Variants in ADAM12 observed in about 807,000 individuals in gnomAD.
ADAM12 encodes disintegrin and metalloproteinase domain-containing protein 12.
A neutral mutation model predicts 106.4 loss-of-function variants in ADAM12; 70 were observed. The ratio of observed to expected loss-of-function variants is 0.66; its 90% confidence interval spans 0.54 to 0.80. The LOEUF (loss-of-function observed/expected upper bound fraction) is 0.80, where lower values mean the gene tolerates loss of function less well. Among genes scored for constraint, ADAM12 ranks in the 30% least tolerant of loss-of-function variants. The pLI, the probability that ADAM12 is intolerant of heterozygous loss-of-function variation, is 0.00. For missense variants in ADAM12, 1,010 were observed against 1,171.9 expected, an observed-to-expected ratio of 0.86 and a Z score of 2.02; for synonymous variants, 420 against 433.5, an observed-to-expected ratio of 0.97 and a Z score of 0.39.
chr10:126,106,970 G>A (rs1458798891), intron 8 of ADAM12, among the ~76,000 whole-genome samples: 1 of 152,168 alleles, frequency 6.6e-6, no homozygotes, highest in Non-Finnish European at 1.5e-5. Flanking sequence ...AACAGCCGGG[G>A]CCTTGAGCAC....
At chr10:126,164,164 TTGA>T (rs1382388242) in intron 3 of ADAM12, among the ~76,000 whole-genome samples, 1 of 152,246 alleles carries the variant, frequency 6.6e-6, no homozygotes, top group East Asian at 1.9e-4. Flanking sequence ...AAAAAACTCA[TTGA>T]TGACATGTCA....
intron 3 of ADAM12, among the ~76,000 whole-genome samples, chr10:126,203,736 G>C (rs530344301): frequency 6.6e-6 from 1 of 152,284 alleles, no homozygotes; most frequent in Non-Finnish European, 1.5e-5. Context: ...TTCAGAAACT[G>C]CTTAGCAGAA....
intron 3 of ADAM12, among the ~76,000 whole-genome samples, chr10:126,253,612 G>C (rs1237730049): frequency 1.3e-5 from 2 of 152,126 alleles, no homozygotes; most frequent in Non-Finnish European, 2.9e-5. Context: ...GGCTAAGAGG[G>C]GGAACACCCA....
intron 3 of ADAM12, among the ~76,000 whole-genome samples, chr10:126,206,597 G>A (rs1210953551): frequency 2.6e-5 from 4 of 152,036 alleles, no homozygotes; most frequent in African/African-American, 7.2e-5. Flanking sequence ...TTTCTATTAC[G>A]GGATGTTTAT....
rs111580271 is a variant in ADAM12 at position 126,321,483 on chromosome 10, C to T, written c.186+8929G>A. On this transcript the variant is annotated intron_variant, in intron 2 of 22. Coordinates refer to ENST00000448723, the MANE Select transcript of ADAM12 (RefSeq NM_001288973.2). ...GTGAGTGTTGTTGGAAATGCAGAGC[C>T]CTTCCTTGGTTGAATGAGAGCTCCC... 3.1e-3 allele frequency among the ~76,000 whole-genome samples: 476 copies of T among 152,166 alleles called. 3 individuals are homozygous for T. The highest frequency in any genetic ancestry group is 5.6e-3 in the Non-Finnish European group (384 of 68,012).
At chr10:126,322,472 G>C (rs1854134312) in intron 2 of ADAM12, among the ~76,000 whole-genome samples, 1 of 152,234 alleles carries the variant, frequency 6.6e-6, no homozygotes, top group African/African-American at 2.4e-5. Flanking sequence ...GACTAGAAGA[G>C]GGTGGCGCTG....
At chr10:126,158,656 G>GGGATGCACAGAGCACGGGGAGA (rs377199674) in intron 3 of ADAM12, among the ~76,000 whole-genome samples, 1 of 58,548 alleles carries the variant, frequency 1.7e-5, no homozygotes, top group African/African-American at 5.6e-5. Flanking sequence ...CATGGGTTGG[G>GGGATGCACAGAGCACGGGGAGA]GGATGCACAG....
chr10:126,311,144 C>G (rs546739281), intron 2 of ADAM12, among the ~76,000 whole-genome samples: 1 of 150,184 alleles, frequency 6.7e-6, no homozygotes, highest in South Asian at 2.1e-4. Flanking sequence ...CACACCTGCA[C>G]GCACACAAGC....
At chr10:126,107,280 G>A (rs942061696) in intron 8 of ADAM12, among the ~76,000 whole-genome samples, 3 of 152,222 alleles carry the variant, frequency 2.0e-5, no homozygotes, top group Admixed American at 2.0e-4. Flanking sequence ...ATTCTCTTCT[G>A]CATCCCCATA....
intron 3 of ADAM12, among the ~76,000 whole-genome samples, chr10:126,217,028 CTG>C (rs1178531436): frequency 6.6e-6 from 1 of 152,204 alleles, no homozygotes; most frequent in African/African-American, 2.4e-5. Flanking sequence ...CTTTCCAACT[CTG>C]AGCTCAAGAA....
chr10:126,172,359 T>C lies in ADAM12; in HGVS notation c.261-17054A>G, dbSNP rs564206839. Among the ~76,000 whole-genome samples, 101 of 152,314 alleles carry C rather than the reference T, an allele frequency of 6.6e-4. No homozygotes were observed. The South Asian group carries it at 0.02, about 30-fold the overall frequency. On this transcript the variant is annotated intron_variant, in intron 3 of 22. Coordinates refer to ENST00000448723, the MANE Select transcript of ADAM12 (RefSeq NM_001288973.2). ...TTATTAGAGGGTCCTGAGGAATCATTACTAATTTTCTTGGGTGTAACAATG... is the reference window on the plus strand; with the variant it reads ...TTATTAGAGGGTCCTGAGGAATCATCACTAATTTTCTTGGGTGTAACAATG...
chr10:126,379,460 A>G (rs556949959), intron 1 of ADAM12, among the ~76,000 whole-genome samples: 2 of 152,140 alleles, frequency 1.3e-5, no homozygotes, highest in Non-Finnish European at 2.9e-5. Context: ...CAAACACCGC[A>G]TGTTCTCACC....
intron 3 of ADAM12, among the ~76,000 whole-genome samples, chr10:126,187,892 C>T (rs1379175710): frequency 6.6e-6 from 1 of 152,194 alleles, no homozygotes; most frequent in Non-Finnish European, 1.5e-5. Context: ...ATGACGCTGT[C>T]CCCTGAGCCT....
At chr10:126,072,239 T>C (rs1955011682) in intron 11 of ADAM12, among the ~76,000 whole-genome samples, 1 of 152,098 alleles carries the variant, frequency 6.6e-6, no homozygotes, top group Admixed American at 6.5e-5. Flanking sequence ...TACCCTTGTC[T>C]CTAAATTCCA....
At chr10:126,088,038 G>C (rs773174355) in intron 11 of ADAM12, among the ~76,000 whole-genome samples, 1 of 152,106 alleles carries the variant, frequency 6.6e-6, no homozygotes, top group African/African-American at 2.4e-5. Context: ...CTCCCTGTTT[G>C]CAATAAATTA....
At chr10:126,163,678 C>CG (rs1400815794) in intron 3 of ADAM12, among the ~76,000 whole-genome samples, 2 of 152,174 alleles carry the variant, frequency 1.3e-5, no homozygotes, top group South Asian at 4.2e-4. Context: ...AGAAACCCCC[C>CG]GGCCCCAGAA....
rs2305977 is a variant in ADAM12 at position 126,039,374 on chromosome 10, G to A, written c.2160C>T (p.Ala720=). Residue 720 remains alanine (A), a synonymous_variant, in exon 19 of 23, where the codon GCC becomes GCT. Coordinates refer to ENST00000448723, the MANE Select transcript of ADAM12 (RefSeq NM_001288973.2). ...TCCTTTTGAGATAAACCACAAATCCGGCAGCAAGAAGACACAGGATGGTCA... is the reference window on the plus strand; with the variant it reads ...TCCTTTTGAGATAAACCACAAATCCAGCAGCAAGAAGACACAGGATGGTCA... ...ILVTILCLLA[A]GFVVYLKRKT... 145 of 1,614,082 alleles carry A rather than the reference G, an allele frequency of 9.0e-5. 3 individuals carry two copies. In the East Asian group the frequency reaches 2.7e-3, roughly 30 times the overall value.
intron 3 of ADAM12, among the ~76,000 whole-genome samples, chr10:126,160,401 C>A (rs1275267233): frequency 6.6e-6 from 1 of 152,176 alleles, no homozygotes; most frequent in Non-Finnish European, 1.5e-5. Context: ...AAGCCCCAAA[C>A]TGAAGATGGG....
intron 2 of ADAM12, among the ~76,000 whole-genome samples, chr10:126,323,002 G>C (rs1169608748): frequency 6.6e-6 from 1 of 152,052 alleles, no homozygotes; most frequent in Non-Finnish European, 1.5e-5. Flanking sequence ...GTGGGGTTGG[G>C]GTTCCCACAG....
Sources: allele counts gnomAD v4.1 joint callset (sites outside exome capture counted in the v4.1 genomes callset), GRCh38; gene constraint gnomAD v4.1.1; transcripts MANE v1.5; gene names NCBI Gene and HGNC (gene_info 2026-07-23, HGNC 2026-07-21).